The following KLHL40 variants were observed in gnomAD, a reference collection of about 807,000 sequenced individuals.
KLHL40 encodes kelch like family member 40, also known as kelch-like protein 40.
Under a neutral mutation model 49.7 loss-of-function variants are expected in KLHL40, and 44 were observed. That is an observed-to-expected ratio of 0.89 (90% CI 0.70 to 1.14). KLHL40 has a LOEUF of 1.14. Among genes scored for constraint, KLHL40 ranks in the 50% most tolerant of loss-of-function variants. KLHL40 has a pLI of 0.00. For synonymous variants in KLHL40, 409 were observed against 365.2 expected, an observed-to-expected ratio of 1.12 and a Z score of -1.37; for missense variants, 892 against 850.3, an observed-to-expected ratio of 1.05 and a Z score of -0.61.
At chr3:42,690,790 C>A in intron 4 of KLHL40, 69 bp from the exon 5 acceptor site, 2 of 1,506,490 alleles carry the variant, frequency 1.3e-6, no homozygotes, top group Non-Finnish European at 8.9e-7. Context: ...GCTGTGGGTG[C>A]TGGGTGGCAG....
At position 42,685,595 on chromosome 3, in the gene KLHL40, C is replaced by G. The variant is rs375501080; in HGVS notation, c.-24C>G. 2.5e-4 allele frequency: 387 copies of G among 1,550,664 alleles called. 1 individual carries two copies. Among genetic ancestry groups the G allele is most frequent in the Non-Finnish European group, 3.3e-4 (381 of 1,146,806 alleles). ...ACAGAGAGGAGCCCCCTTGGCACCG[C>G]CACCGCACCCTAGGCCACCCACCAT... is the stretch of plus-strand genomic sequence containing the variant. On this transcript the variant is annotated 5_prime_UTR_variant, in exon 1 of 6. Coordinates refer to ENST00000287777, the MANE Select transcript of KLHL40 (RefSeq NM_152393.4).
chr3:42,689,541 G>A (rs1299328806), intron 4 of KLHL40, among the ~76,000 whole-genome samples: 5 of 152,044 alleles, frequency 3.3e-5, no homozygotes, highest in Admixed American at 3.3e-4. Context: ...GAGGTGGGTG[G>A]GTGATGGAGT....
In KLHL40 at chr3:42,688,946, G is replaced by A. The variant is rs1575220599; in HGVS notation, c.1499G>A (p.Arg500His). Reference sequence around the variant, plus strand: ...GAGCTGGCACCCATGCAGACCGCCCGCTCACTCTTTGGGGCCACTGTCCAT... The same window carrying A: ...GAGCTGGCACCCATGCAGACCGCCCACTCACTCTTTGGGGCCACTGTCCAT... ...WKELAPMQTA[R>H]SLFGATVHDG... Residue 500 changes from arginine to histidine, a missense_variant, in exon 4 of 6, where the codon CGC becomes CAC. Coordinates refer to ENST00000287777, the MANE Select transcript of KLHL40 (RefSeq NM_152393.4). The surrounding 1 kb of genome is among the most constrained non-coding windows in gnomAD (Gnocchi z 4.2). 3.7e-6 allele frequency: 6 copies of A among 1,614,138 alleles called. No homozygotes were observed. The highest frequency in any genetic ancestry group is 2.2e-5 in the East Asian group (1 of 44,874).
intron 5 of KLHL40, 104 bp downstream of exon 5, chr3:42,691,109 A>G (rs1373998655): frequency 1.2e-5 from 14 of 1,192,960 alleles, no homozygotes; most frequent in Admixed American, 2.7e-5. Context: ...TCTGGGGGCA[A>G]AGCGGATCCC....
In KLHL40 at chr3:42,685,747, G is replaced by A. The variant is rs143916257; in HGVS notation, c.129G>A (p.Glu43=). 32 of 1,612,690 alleles carry A rather than the reference G, an allele frequency of 2.0e-5. No homozygotes were observed. The highest frequency in any genetic ancestry group is 2.5e-5 in the Non-Finnish European group (29 of 1,179,750). Residue 43 remains glutamate, a synonymous_variant, in exon 1 of 6, where the codon GAG becomes GAA. Coordinates refer to ENST00000287777, the MANE Select transcript of KLHL40 (RefSeq NM_152393.4). The stretch of plus-strand genomic sequence containing the variant: ...GTGTGGTGCGGGCGGGCGAGCGCGA[G>A]TTCCCGTGCCATCGCCTGGTGCTGG... The part of the protein sequence containing the change: ...LDCVVRAGER[E]FPCHRLVLAA...
rs1697380568 is a variant in KLHL40 at position 42,692,116 on chromosome 3, C to G, written c.*123C>G. 4 of 663,696 alleles carry G rather than the reference C, an allele frequency of 6.0e-6. No individual in the cohort carries two copies. Among genetic ancestry groups the G allele is most frequent in the Non-Finnish European group, 1.1e-5 (4 of 363,796 alleles). 41.1% of individuals were successfully genotyped at this position (663,696 alleles called of 1,614,324 possible). On this transcript the variant is annotated 3_prime_UTR_variant, in exon 6 of 6. Transcript: ENST00000287777. ...AGTCTACCTGGATCCAGTTATGGTG[C>G]CTCAGGGGCTGCGTCAGCCAAGGAA...
In KLHL40 at chr3:42,685,617, C is replaced by A. The variant is rs201345767; in HGVS notation, c.-2C>A. ...CCGCCACCGCACCCTAGGCCACCCA[C>A]CATGGCGCTGGGCTTGGAGCAGGCG... On this transcript the variant is annotated 5_prime_UTR_variant, in exon 1 of 6. Transcript: ENST00000287777. The A allele has an allele frequency of 1.3e-6, 2 of 1,585,834 alleles. No individual in the cohort carries two copies. Among genetic ancestry groups the A allele is most frequent in the African/African-American group, 2.7e-5 (2 of 74,174 alleles).
intron 5 of KLHL40, 79 bp downstream of exon 5, chr3:42,691,084 C>T (rs879110459): frequency 1.4e-6 from 2 of 1,442,364 alleles, no homozygotes; most frequent in Non-Finnish European, 1.9e-6. Flanking sequence ...GGTACCAAGG[C>T]ACTGGGCAAG....
rs577804609 is a variant in KLHL40 at position 42,688,268 on chromosome 3, C to A, written c.1279C>A (p.Arg427Ser). The A allele has an allele frequency of 1.2e-6, 2 of 1,613,852 alleles. No homozygotes were observed. The highest frequency in any genetic ancestry group is 1.7e-6 in the Non-Finnish European group (2 of 1,179,990). ...TGGCAGAGAGATCAAGGACGGCGAG[C>A]GCTGCCTGGACTCGGTCATGTGCTA... The part of the protein sequence containing the change: ...VGGREIKDGE[R>S]CLDSVMCYDR... Residue 427 changes from arginine to serine, a missense_variant, in exon 2 of 6, where the codon CGC becomes AGC. Transcript: ENST00000287777. This position sits in a 1 kb window ranked among gnomAD's most constrained non-coding sequence, Gnocchi z 4.2.
Position 42,691,011 on chromosome 3 carries a change from T to C in KLHL40, c.1754+6T>C. On this transcript the variant is annotated splice_donor_region_variant and intron_variant, in intron 5 of 5. Transcript: ENST00000287777. ...GAGCTCAATGACATCTGGAGGTGAG[T>C]CCCACCCTGGGGAGGCAAGGGGGCA... The C allele has an allele frequency of 1.9e-6, 3 of 1,601,550 alleles. No individual in the cohort carries two copies. Among genetic ancestry groups the C allele is most frequent in the Non-Finnish European group, 2.6e-6 (3 of 1,173,032 alleles).
Position 42,685,655 on chromosome 3 carries a change from T to A in KLHL40, c.37T>A (p.Leu13Met), listed in dbSNP as rs1308629339. ...CTTGGAGCAGGCGGAGGAGCAGCGGTTGTACCAGCAGACGCTCCTGCAAGA... is the reference window on the plus strand; with the variant it reads ...CTTGGAGCAGGCGGAGGAGCAGCGGATGTACCAGCAGACGCTCCTGCAAGA... ...LGLEQAEEQR[L>M]YQQTLLQDGL... The change falls in exon 1 of 6, where the codon TTG becomes ATG. Residue 13 changes from leucine (L) to methionine (M), a missense_variant. Physicochemically the swap from Leu to Met is conservative, Grantham distance 15. Coordinates refer to ENST00000287777, the MANE Select transcript of KLHL40 (RefSeq NM_152393.4). 1 of 1,610,242 alleles carries A rather than the reference T, an allele frequency of 6.2e-7. No individual in the cohort carries two copies. The highest frequency in any genetic ancestry group is 1.7e-5 in the Admixed American group (1 of 59,728).
chr3:42,686,188 G>T lies in KLHL40; in HGVS notation c.570G>T (p.Lys190Asn). ...IISSDGLNVE[K>N]EEAVFEAVMR... ...CCAGCGACGGCCTTAACGTGGAGAA[G>T]GAGGAGGCAGTGTTCGAGGCGGTGA... The change falls in exon 1 of 6, where the codon AAG (lysine) becomes AAT (asparagine). Residue 190 changes from lysine (K) to asparagine (N), a missense_variant. Transcript: ENST00000287777. 1 of 1,580,554 alleles carries T rather than the reference G, an allele frequency of 6.3e-7. No homozygotes were observed. The highest frequency in any genetic ancestry group is 1.3e-5 in the African/African-American group (1 of 74,648).
In KLHL40 at chr3:42,688,099, G is replaced by T; in HGVS notation, c.1153-43G>T. 6.2e-7 allele frequency: 1 copy of T among 1,612,296 alleles called. No individual in the cohort carries two copies. The highest frequency in any genetic ancestry group is 1.1e-5 in the South Asian group (1 of 90,984). Reference sequence around the variant, plus strand: ...GACTGAGTGGGGCTGGGCTGAGGCTGGGGGAGTGGGGGGCGGTAGCTGACT... The same window carrying T: ...GACTGAGTGGGGCTGGGCTGAGGCTTGGGGAGTGGGGGGCGGTAGCTGACT... On this transcript the variant is annotated intron_variant, in intron 1 of 5. Coordinates refer to ENST00000287777, the MANE Select transcript of KLHL40 (RefSeq NM_152393.4). The surrounding 1 kb of genome is among the most constrained non-coding windows in gnomAD (Gnocchi z 4.2).
rs562925616 is a variant in KLHL40, at chr3:42,686,090, G to T, written c.472G>T (p.Ala158Ser). 17 of 1,602,400 alleles carry T rather than the reference G, an allele frequency of 1.1e-5. No individual in the cohort carries two copies. The East Asian group carries it at 3.1e-4, about 29-fold the overall frequency. Reference sequence around the variant, plus strand: ...CGTGGCTGCCCGCGACTTCATCTGCGCTCACTTCACGCTGGTGGCGCGCGA... The same window carrying T: ...CGTGGCTGCCCGCGACTTCATCTGCTCTCACTTCACGCTGGTGGCGCGCGA... ...LAVAARDFIC[A>S]HFTLVARDAD... The change falls in exon 1 of 6, where the codon GCT becomes TCT. Residue 158 changes from alanine (A) to serine (S), a missense_variant. Ala to Ser is a moderately conservative substitution (Grantham distance 99). Transcript: ENST00000287777.
In KLHL40 at chr3:42,685,704, A is replaced by G. The variant is rs375788187; in HGVS notation, c.86A>G (p.His29Arg). ...LQDGLKDMLD[H>R]GKFLDCVVRA... ...GACGGGCTCAAAGACATGCTGGACC[A>G]TGGCAAGTTCCTCGACTGTGTGGTG... The change falls in exon 1 of 6, where the codon CAT becomes CGT. Residue 29 changes from histidine (H) to arginine (R), a missense_variant. By Grantham distance (29) the His-to-Arg change is conservative. Transcript: ENST00000287777. The G allele has an allele frequency of 1.2e-5, 20 of 1,613,128 alleles. No homozygotes were observed. The highest frequency in any genetic ancestry group is 1.7e-5 in the Admixed American group (1 of 59,992).
Position 42,687,916 on chromosome 3 carries a change from C to A in KLHL40, c.1153-226C>A, listed in dbSNP as rs138768878. On this transcript the variant is annotated intron_variant, in intron 1 of 5. Transcript: ENST00000287777. ...TCATTTCTGTGCTGTGGTGCCCTACCGCCTGCTATAATGGTGGTTGCCAGG... is the reference window on the plus strand; with the variant it reads ...TCATTTCTGTGCTGTGGTGCCCTACAGCCTGCTATAATGGTGGTTGCCAGG... 3.7e-4 allele frequency among the ~76,000 whole-genome samples: 56 copies of A among 152,184 alleles called. No individual in the cohort carries two copies. The East Asian group carries it at 0.01, about 27-fold the overall frequency.
At chr3:42,687,356 C>T (rs576662195) in intron 1 of KLHL40, among the ~76,000 whole-genome samples, 80 of 152,078 alleles carry the variant, frequency 5.3e-4, no homozygotes, top group Non-Finnish European at 1.0e-3. Flanking sequence ...GCAGTGTTTC[C>T]GGCCAAGGAA....
rs748113740 is a variant in KLHL40, at chr3:42,688,818, C to T, written c.1422-51C>T. The T allele has an allele frequency of 2.4e-5, 38 of 1,589,874 alleles. No homozygotes were observed. Among genetic ancestry groups the T allele is most frequent in the South Asian group, 9.9e-5 (9 of 90,514 alleles). ...GCCCCGGCAGGTGATTGCAGGGAGG[C>T]GTGGCTGGGCTCCTGCTTCTCTCCA... On this transcript the variant is annotated intron_variant, in intron 3 of 5. Transcript: ENST00000287777. This position sits in a 1 kb window ranked among gnomAD's most constrained non-coding sequence, Gnocchi z 4.2.
In KLHL40 at chr3:42,691,699, G is replaced by C. The variant is rs1361476207; in HGVS notation, c.1755-183G>C. On this transcript the variant is annotated intron_variant, in intron 5 of 5. Coordinates refer to ENST00000287777, the MANE Select transcript of KLHL40 (RefSeq NM_152393.4). ...GGGAGAAAGACCCTTCCTGGAGTGT[G>C]GGGTGGGTGTTCCTTGGGGTGGGTC... is the stretch of plus-strand genomic sequence containing the variant. 2.0e-5 allele frequency among the ~76,000 whole-genome samples: 3 copies of C among 152,004 alleles called. No individual in the cohort carries two copies. In the East Asian group the frequency reaches 5.8e-4, roughly 30 times the overall value.
Sources: gnomAD v4.1 joint callset for allele counts (sites outside exome capture counted in the v4.1 genomes callset) on GRCh38, gnomAD v4.1.1 for gene constraint, Gnocchi (gnomAD v3.1) non-coding constraint, MANE v1.5 for transcripts, NCBI Gene and HGNC (gene_info 2026-07-23, HGNC 2026-07-21) for gene names.